CLVS1: variants seen among roughly 807,000 people sequenced by gnomAD.
CLVS1 encodes the protein clavesin-1.
CLVS1 carries 10 observed loss-of-function variants against 33.1 expected under a neutral mutation model. That is an observed-to-expected ratio of 0.30 (90% CI 0.19 to 0.51). CLVS1 has a LOEUF of 0.51. CLVS1 is among the 20% of genes least tolerant of loss of function. The probability of loss-of-function intolerance (pLI) is 0.97; values close to 1 mark genes in which losing one functional copy is unlikely to be tolerated. For missense variants in CLVS1, 343 were observed against 433.4 expected, an observed-to-expected ratio of 0.79 and a Z score of 1.85; for synonymous variants, 163 against 166.1, an observed-to-expected ratio of 0.98 and a Z score of 0.14.
chr8:61,150,473 C>T (rs1337906162), intron 2 of CLVS1, among the ~76,000 whole-genome samples: 1 of 152,174 alleles, frequency 6.6e-6, no homozygotes, highest in Non-Finnish European at 1.5e-5. Context: ...CACACCTCAC[C>T]CCCACATCCA....
At chr8:61,436,798 AG>A in intron 3 of CLVS1, among the ~76,000 whole-genome samples, 1 of 152,314 alleles carries the variant, frequency 6.6e-6, no homozygotes, top group East Asian at 1.9e-4. Flanking sequence ...GTGCAGGAAA[AG>A]CTTCCCTTCT....
chr8:61,156,474 A>G (rs1381899976), intron 2 of CLVS1, among the ~76,000 whole-genome samples: 1 of 152,100 alleles, frequency 6.6e-6, no homozygotes, highest in East Asian at 1.9e-4. Flanking sequence ...ATAGACTCAG[A>G]CTTAAATTTT....
intron 2 of CLVS1, among the ~76,000 whole-genome samples, chr8:61,304,477 G>A (rs1057206811): frequency 3.3e-5 from 5 of 152,182 alleles, no homozygotes; most frequent in South Asian, 4.1e-4. Context: ...CAATCAGCTC[G>A]CATGTATTTA....
intron 3 of CLVS1, among the ~76,000 whole-genome samples, chr8:61,431,736 C>T (rs1816122413): frequency 6.6e-6 from 1 of 151,918 alleles, no homozygotes; most frequent in Non-Finnish European, 1.5e-5. Context: ...TTGACGTATC[C>T]CCAGGTCCTG....
At chr8:61,190,551 C>T (rs1426448550) in intron 2 of CLVS1, among the ~76,000 whole-genome samples, 2 of 152,086 alleles carry the variant, frequency 1.3e-5, no homozygotes, top group African/African-American at 2.4e-5. Context: ...GTTGGGGACA[C>T]AAACATCCCT....
the CLVS1 span, among the ~76,000 whole-genome samples, chr8:61,013,595 G>T: frequency 6.6e-6 from 1 of 152,192 alleles, no homozygotes; most frequent in African/African-American, 2.4e-5. Flanking sequence ...AGAAATAAAA[G>T]ATCATACATT....
chr8:61,360,038 A>G (rs1312678867), intron 2 of CLVS1, among the ~76,000 whole-genome samples: 1 of 152,226 alleles, frequency 6.6e-6, no homozygotes, highest in East Asian at 1.9e-4. Context: ...GCAACTCTAC[A>G]GAGCCATTGT....
At chr8:61,255,673 A>C (rs1426223167) in intron 2 of CLVS1, among the ~76,000 whole-genome samples, 1 of 152,212 alleles carries the variant, frequency 6.6e-6, no homozygotes, top group Non-Finnish European at 1.5e-5. Flanking sequence ...CTTTTCAAGC[A>C]ACACAATAGA....
intron 1 of CLVS1, among the ~76,000 whole-genome samples, chr8:61,118,364 C>T (rs1056915716): frequency 2.6e-5 from 4 of 151,606 alleles, no homozygotes; most frequent in Non-Finnish European, 5.9e-5. Flanking sequence ...TTTTGTGTCT[C>T]TATTTCCTTC....
intron 2 of CLVS1, among the ~76,000 whole-genome samples, chr8:61,183,002 T>G (rs542848307): frequency 3.3e-5 from 5 of 152,182 alleles, no homozygotes; most frequent in Non-Finnish European, 7.3e-5. Context: ...TGCAGGGACA[T>G]GGATGAAGCT....
At chr8:61,120,012 A>G (rs1380765747) in intron 1 of CLVS1, among the ~76,000 whole-genome samples, 1 of 146,558 alleles carries the variant, frequency 6.8e-6, no homozygotes, top group Non-Finnish European at 1.5e-5. Flanking sequence ...AGGTACACCA[A>G]TCAGACGTAG....
intron 2 of CLVS1, among the ~76,000 whole-genome samples, chr8:61,223,949 G>T (rs1268849695): frequency 6.9e-6 from 1 of 145,832 alleles, no homozygotes; most frequent in Non-Finnish European, 1.5e-5. Context: ...CCTTTGTTCT[G>T]CTTGGTTGAT....
intron 3 of CLVS1, among the ~76,000 whole-genome samples, chr8:61,400,077 A>C (rs1165426158): frequency 2.0e-5 from 3 of 152,132 alleles, no homozygotes; most frequent in African/African-American, 7.2e-5. Flanking sequence ...GAAGAATGTC[A>C]ATGGTAGTTT....
chr8:60,985,116 T>C, the CLVS1 span, among the ~76,000 whole-genome samples: 1 of 152,214 alleles, frequency 6.6e-6, no homozygotes, highest in South Asian at 2.1e-4. Flanking sequence ...GTTAAGGCTA[T>C]TTTTTCTTCT....
At chr8:61,028,887 G>A in the CLVS1 span, among the ~76,000 whole-genome samples, 5 of 152,302 alleles carry the variant, frequency 3.3e-5, no homozygotes, top group East Asian at 9.6e-4. Flanking sequence ...CTGTCTGCTG[G>A]AGCTTCCTCT....
the CLVS1 span, among the ~76,000 whole-genome samples, chr8:61,034,097 C>T: frequency 6.6e-6 from 1 of 152,168 alleles, no homozygotes; most frequent in South Asian, 2.1e-4. Flanking sequence ...TCAATTTTCA[C>T]CCTGGGCCCG....
At chr8:61,393,438 C>G (rs998052821) in intron 3 of CLVS1, among the ~76,000 whole-genome samples, 1 of 152,124 alleles carries the variant, frequency 6.6e-6, no homozygotes, top group African/African-American at 2.4e-5. Flanking sequence ...GTAAACACTG[C>G]TGGAGAGCTA....
intron 3 of CLVS1, among the ~76,000 whole-genome samples, chr8:61,414,856 C>T (rs946725104): frequency 5.3e-5 from 8 of 152,246 alleles, no homozygotes; most frequent in Non-Finnish European, 7.3e-5. Context: ...CCTCACAGCA[C>T]CTGCCTCTGC....
At chr8:61,445,644 G>A (rs1017655600) in intron 3 of CLVS1, among the ~76,000 whole-genome samples, 6 of 152,060 alleles carry the variant, frequency 3.9e-5, no homozygotes, top group Admixed American at 6.6e-5. Context: ...GGTATTTCTA[G>A]CAAAACAGAC....
Sources: allele counts gnomAD v4.1 joint callset (sites outside exome capture counted in the v4.1 genomes callset), GRCh38; gene constraint gnomAD v4.1.1; transcripts MANE v1.5; gene names NCBI Gene and HGNC (gene_info 2026-07-23, HGNC 2026-07-21).